Variants in DNAJC11 observed in about 807,000 individuals in gnomAD.
DNAJC11 encodes the protein dnaJ homolog subfamily C member 11.
Under a neutral mutation model 78.6 loss-of-function variants are expected in DNAJC11, and 15 were observed. That is an observed-to-expected ratio of 0.19 (90% CI 0.13 to 0.29). The LOEUF is 0.29. DNAJC11 is among the 10% of genes least tolerant of loss of function. The pLI is 1.00. For missense variants in DNAJC11, 547 were observed against 709.6 expected, an observed-to-expected ratio of 0.77 and a Z score of 2.60; for synonymous variants, 292 against 272.1, an observed-to-expected ratio of 1.07 and a Z score of -0.72.
At chr1:6,670,657 T>A (rs1434654877) in intron 3 of DNAJC11, 1 of 152,176 alleles carries the variant, frequency 6.6e-6, no homozygotes. Flanking sequence ...ATAAAAAGAT[T>A]GTTAAAATCA....
intron 12 of DNAJC11, chr1:6,637,924 T>G: frequency 2.6e-6 from 1 of 385,112 alleles, no homozygotes. Flanking sequence ...CTGCTGGGCA[T>G]AGCTGTGCCG....
chr1:6,637,159 CTG>C (rs768981514), intron 14 of DNAJC11, 37 bp downstream of exon 14: 2 of 1,612,778 alleles, frequency 1.2e-6, no homozygotes, highest in Non-Finnish European at 1.7e-6. Context: ...CTGTTCAAAT[CTG>C]TGAGCACATA....
At chr1:6,686,537 C>A (rs1211219451) in intron 1 of DNAJC11, among the ~76,000 whole-genome samples, 3 of 152,192 alleles carry the variant, frequency 2.0e-5, no homozygotes, top group Non-Finnish European at 4.4e-5. Context: ...GCAGAGGGGA[C>A]AGCAGGCTCC....
rs1052229736 is a variant in DNAJC11 at position 6,643,671 on chromosome 1, G to A, written c.1097+887C>T. Among the ~76,000 whole-genome samples the A allele has an allele frequency of 2.6e-5, 4 of 152,222 alleles. No individual in the cohort carries two copies. In the East Asian group the frequency reaches 5.8e-4, roughly 22 times the overall value. ...TGCCAATGGAAACCCCTGGTGAGAGGGATGAACCGATATGGCAGCTGCTAC... is the reference window on the plus strand; with the variant it reads ...TGCCAATGGAAACCCCTGGTGAGAGAGATGAACCGATATGGCAGCTGCTAC... On this transcript the variant is annotated intron_variant, in intron 10 of 15. Transcript: ENST00000377577.
At chr1:6,649,412 A>G (rs568862206) in intron 7 of DNAJC11, among the ~76,000 whole-genome samples, 86 of 151,458 alleles carry the variant, frequency 5.7e-4, no homozygotes, top group Non-Finnish European at 1.1e-3. Context: ...CTCGTGATCC[A>G]CCCGCCTCGG....
intron 1 of DNAJC11, among the ~76,000 whole-genome samples, chr1:6,690,533 C>G (rs1383494953): frequency 6.6e-6 from 1 of 152,230 alleles, no homozygotes; most frequent in African/African-American, 2.4e-5. Context: ...TGAAGCTCCA[C>G]CACTGTCCCA....
intron 1 of DNAJC11, among the ~76,000 whole-genome samples, chr1:6,691,981 T>C (rs1016235775): frequency 6.6e-6 from 1 of 152,210 alleles, no homozygotes; most frequent in African/African-American, 2.4e-5. Flanking sequence ...AAAATTAAAA[T>C]GAAAGGTTAA....
At chr1:6,660,906 G>A (rs1642201788) in intron 4 of DNAJC11, among the ~76,000 whole-genome samples, 1 of 152,184 alleles carries the variant, frequency 6.6e-6, no homozygotes, top group South Asian at 2.1e-4. Flanking sequence ...CTTCTTACCA[G>A]GTAGGAAATG....
intron 4 of DNAJC11, among the ~76,000 whole-genome samples, chr1:6,655,709 T>C (rs1416507393): frequency 1.3e-5 from 2 of 152,118 alleles, no homozygotes; most frequent in Non-Finnish European, 2.9e-5. Context: ...CTCTAGAGGC[T>C]GAGGCAGGAG....
At chr1:6,667,661 T>C (rs758204121) in intron 4 of DNAJC11, 48 bp downstream of exon 4, 25 of 1,497,124 alleles carry the variant, frequency 1.7e-5, no homozygotes, top group East Asian at 2.3e-5. Flanking sequence ...CTTCTAGTTA[T>C]GAGGCCTTTT....
chr1:6,636,327 T>G, intron 14 of DNAJC11, 81 bp from the exon 15 acceptor site: 1 of 1,566,864 alleles, frequency 6.4e-7, no homozygotes, highest in East Asian at 2.2e-5. Context: ...GGAGGGGCAG[T>G]GTGCACAGGC....
chr1:6,644,093 A>C (rs1641927643), intron 10 of DNAJC11, among the ~76,000 whole-genome samples: 1 of 151,602 alleles, frequency 6.6e-6, no homozygotes, highest in African/African-American at 2.4e-5. Flanking sequence ...GATGGTCTCG[A>C]TCTCCTGACC....
intron 1 of DNAJC11, among the ~76,000 whole-genome samples, chr1:6,701,308 GA>G (rs1283428227): frequency 6.6e-6 from 1 of 152,162 alleles, no homozygotes; most frequent in Non-Finnish European, 1.5e-5. Flanking sequence ...CTTGGTGGGT[GA>G]GACTCAGTTC....
chr1:6,683,813 T>G (rs1318368941), intron 1 of DNAJC11, among the ~76,000 whole-genome samples: 1 of 152,226 alleles, frequency 6.6e-6, no homozygotes, highest in Non-Finnish European at 1.5e-5. Flanking sequence ...ATGTATATTC[T>G]ATTTCTATAA....
At chr1:6,685,518 TC>T (rs1389827721) in intron 1 of DNAJC11, among the ~76,000 whole-genome samples, 1 of 152,192 alleles carries the variant, frequency 6.6e-6, no homozygotes, top group Non-Finnish European at 1.5e-5. Flanking sequence ...CACAGAGTTT[TC>T]CAAAATCCAC....
intron 14 of DNAJC11, among the ~76,000 whole-genome samples, chr1:6,636,924 C>CCTA (rs1412124961): frequency 5.3e-5 from 8 of 152,218 alleles, no homozygotes; most frequent in African/African-American, 1.7e-4. Flanking sequence ...TCACAGCTCA[C>CCTA]TGTAGCCTCA....
In DNAJC11 at chr1:6,638,294, C is replaced by T; in HGVS notation, c.1323+1G>A. 6.2e-7 allele frequency: 1 copy of T among 1,612,912 alleles called. No homozygotes were observed. Among genetic ancestry groups the T allele is most frequent in the Non-Finnish European group, 8.5e-7 (1 of 1,179,228 alleles). On this transcript the variant is annotated splice_donor_variant, in intron 12 of 15. Coordinates refer to ENST00000377577, the MANE Select transcript of DNAJC11 (RefSeq NM_018198.4). LOFTEE classifies it high-confidence loss of function. Reference sequence around the variant, plus strand: ...CTTGGGAACGGTGGGGCAGCACTCACAGCGGACTCCGCCTCTTGCTTCTTC... The same window carrying T: ...CTTGGGAACGGTGGGGCAGCACTCATAGCGGACTCCGCCTCTTGCTTCTTC...
At chr1:6,695,303 T>C (rs1557491364) in intron 1 of DNAJC11, among the ~76,000 whole-genome samples, 1 of 151,996 alleles carries the variant, frequency 6.6e-6, no homozygotes, top group African/African-American at 2.4e-5. Context: ...CCAATCCTTA[T>C]GTCTTTTTTT....
At chr1:6,682,181 AAAG>A (rs2147879747) in intron 1 of DNAJC11, among the ~76,000 whole-genome samples, 1 of 151,444 alleles carries the variant, frequency 6.6e-6, no homozygotes, top group South Asian at 2.1e-4. Context: ...AAAAAAAAAA[AAAG>A]ATGACTGTAT....
Sources: gnomAD v4.1 joint callset for allele counts (sites outside exome capture counted in the v4.1 genomes callset) on GRCh38, gnomAD v4.1.1 for gene constraint, MANE v1.5 for transcripts, NCBI Gene and HGNC (gene_info 2026-07-23, HGNC 2026-07-21) for gene names.